The following METTL25 variants were observed in gnomAD, a reference collection of about 807,000 sequenced individuals.
The protein encoded by METTL25 is methyltransferase like 25, also known as probable methyltransferase-like protein 25.
METTL25 carries 64 observed loss-of-function variants against 71.6 expected under a neutral mutation model. The observed-to-expected ratio is 0.89, with a 90% CI of 0.73 to 1.10. The LOEUF is 1.10. METTL25 is among the 50% of genes least tolerant of loss of function. METTL25 has a pLI of 0.00. For missense variants in METTL25, 807 were observed against 707.0 expected (o/e 1.14, Z -1.60); for synonymous variants, 287 against 250.3 (o/e 1.15, Z -1.38).
At chr12:82,387,856 T>G (rs1045848663) in intron 2 of METTL25, among the ~76,000 whole-genome samples, 1 of 152,126 alleles carries the variant, frequency 6.6e-6, no homozygotes, top group African/African-American at 2.4e-5. Flanking sequence ...ATTGGCACAC[T>G]CAGGAGTTTA....
chr12:82,429,540 T>A (rs1304145695), intron 5 of METTL25, among the ~76,000 whole-genome samples: 1 of 151,730 alleles, frequency 6.6e-6, no homozygotes, highest in East Asian at 1.9e-4. Context: ...TTTGAGATAA[T>A]TGATTATTTT....
At chr12:82,471,853 G>T (rs1892588381) in intron 9 of METTL25, among the ~76,000 whole-genome samples, 1 of 151,872 alleles carries the variant, frequency 6.6e-6, no homozygotes, top group Non-Finnish European at 1.5e-5. Context: ...AAGTCTCTTG[G>T]GTATCTTTTT....
At chr12:82,390,811 G>A (rs1885500911) in intron 3 of METTL25, among the ~76,000 whole-genome samples, 1 of 152,026 alleles carries the variant, frequency 6.6e-6, no homozygotes, top group Non-Finnish European at 1.5e-5. Context: ...ACAGCCTTAT[G>A]GCAATGATAC....
chr12:82,382,272 C>T (rs1305949846), intron 1 of METTL25, among the ~76,000 whole-genome samples: 2 of 152,146 alleles, frequency 1.3e-5, no homozygotes, highest in Non-Finnish European at 1.5e-5. Context: ...AAACTCTGGG[C>T]CATGAGACAG....
chr12:82,363,864 G>A (rs1882251511), intron 1 of METTL25, among the ~76,000 whole-genome samples: 1 of 152,072 alleles, frequency 6.6e-6, no homozygotes, highest in African/African-American at 2.4e-5. Context: ...AAAAGAGTAA[G>A]TCAATAAGTG....
intron 9 of METTL25, among the ~76,000 whole-genome samples, chr12:82,462,178 G>A (rs555825639): frequency 6.6e-6 from 1 of 152,282 alleles, no homozygotes; most frequent in Non-Finnish European, 1.5e-5. Flanking sequence ...ACCAGGCGAT[G>A]CTTCCATTCC....
intron 3 of METTL25, among the ~76,000 whole-genome samples, chr12:82,394,363 C>T (rs1190580867): frequency 6.6e-6 from 1 of 151,820 alleles, no homozygotes; most frequent in Non-Finnish European, 1.5e-5. Flanking sequence ...AGTAGAAACC[C>T]AGATTCTGAA....
At chr12:82,426,231 A>G (rs750331420) in intron 5 of METTL25, among the ~76,000 whole-genome samples, 2 of 152,060 alleles carry the variant, frequency 1.3e-5, no homozygotes, top group Non-Finnish European at 2.9e-5. Flanking sequence ...CTGCCTCCTT[A>G]TCAGTTGTTT....
rs148412543 is a variant in METTL25 at position 82,474,478 on chromosome 12, G to A, written c.1573-2166G>A. ...TCAGTCATCTTGCTAATGTCACTTT[G>A]CGTTGTTATTTTTTTTTTCCAGGTA... is the stretch of plus-strand genomic sequence containing the variant. On this transcript the variant is annotated intron_variant, in intron 9 of 11. Transcript: ENST00000248306. 6 of 152,300 alleles carry A rather than the reference G, an allele frequency of 3.9e-5. No homozygotes were observed. The East Asian group carries it at 9.7e-4, about 25-fold the overall frequency. 9.4% of individuals were successfully genotyped at this position (152,300 alleles called of 1,614,324 possible). A position where few individuals can be genotyped will look rare whatever the true frequency, so the allele number is the denominator to read the frequency against.
At chr12:82,408,708 A>AT (rs1887305752) in intron 5 of METTL25, among the ~76,000 whole-genome samples, 1 of 151,884 alleles carries the variant, frequency 6.6e-6, no homozygotes, top group East Asian at 1.9e-4. Flanking sequence ...ACATAGCCTT[A>AT]TTTTGTTTGT....
chr12:82,367,256 A>G, intron 1 of METTL25, among the ~76,000 whole-genome samples: 1 of 152,136 alleles, frequency 6.6e-6, no homozygotes, highest in Non-Finnish European at 1.5e-5. Context: ...GGTTGCCTCT[A>G]TTCGTTTGGA....
chr12:82,459,990 C>T (rs531065766), intron 9 of METTL25: 6 of 152,288 alleles, frequency 3.9e-5, no homozygotes, highest in African/African-American at 9.6e-5. Context: ...TGACAGGATC[C>T]GCTGATGGCT....
chr12:82,404,205 A>G (rs1886882856), intron 5 of METTL25, among the ~76,000 whole-genome samples: 1 of 152,028 alleles, frequency 6.6e-6, no homozygotes, highest in Non-Finnish European at 1.5e-5. Context: ...TGAAATTATG[A>G]CTGTATAGAG....
chr12:82,366,373 T>C (rs1348602702), intron 1 of METTL25, among the ~76,000 whole-genome samples: 3 of 152,198 alleles, frequency 2.0e-5, no homozygotes, highest in Non-Finnish European at 4.4e-5. Context: ...GACTTTTCTT[T>C]CAGTTTCTTG....
intron 5 of METTL25, among the ~76,000 whole-genome samples, chr12:82,417,154 C>T (rs1888054420): frequency 6.6e-6 from 1 of 151,740 alleles, no homozygotes; most frequent in African/African-American, 2.4e-5. Flanking sequence ...GGAACAGAGA[C>T]TAAAGTTTAA....
At chr12:82,367,299 TC>T (rs1349828881) in intron 1 of METTL25, among the ~76,000 whole-genome samples, 3 of 152,236 alleles carry the variant, frequency 2.0e-5, no homozygotes, top group Non-Finnish European at 4.4e-5. Flanking sequence ...CATTAAACTT[TC>T]CTTGTAAGCT....
At chr12:82,439,771 T>C (rs1012774533) in intron 8 of METTL25, 5 of 542,790 alleles carry the variant, frequency 9.2e-6, no homozygotes, top group Non-Finnish European at 1.2e-5. Context: ...CCTAAGATGC[T>C]AACCTTGTTG....
At chr12:82,392,731 T>C (rs541214153) in intron 3 of METTL25, among the ~76,000 whole-genome samples, 1 of 152,196 alleles carries the variant, frequency 6.6e-6, no homozygotes, top group Non-Finnish European at 1.5e-5. Context: ...CTAGAGTGTT[T>C]CCCCAATGTT....
intron 1 of METTL25, among the ~76,000 whole-genome samples, chr12:82,370,350 A>T (rs1391879890): frequency 6.6e-6 from 1 of 152,190 alleles, no homozygotes; most frequent in Non-Finnish European, 1.5e-5. Context: ...TAATAGCAAG[A>T]TGGCTGCCAC....
Sources: allele counts gnomAD v4.1 joint callset (sites outside exome capture counted in the v4.1 genomes callset), GRCh38; gene constraint gnomAD v4.1.1; transcripts MANE v1.5; gene names NCBI Gene and HGNC (gene_info 2026-07-23, HGNC 2026-07-21).